The following PDXDC1 variants were observed in gnomAD, a reference collection of about 807,000 sequenced individuals.
The protein encoded by PDXDC1 is pyridoxal dependent decarboxylase domain containing 1.
A neutral mutation model predicts 100.1 loss-of-function variants in PDXDC1; 42 were observed. The observed-to-expected ratio is 0.42, with a 90% CI of 0.33 to 0.54. The LOEUF (loss-of-function observed/expected upper bound fraction) is 0.54, where lower values mean the gene tolerates loss of function less well. Among genes scored for constraint, PDXDC1 ranks in the 20% least tolerant of loss-of-function variants. The probability of loss-of-function intolerance (pLI) is 0.10; values close to 1 mark genes in which losing one functional copy is unlikely to be tolerated. For synonymous variants in PDXDC1, 260 were observed against 371.7 expected (o/e 0.70, Z 3.46); for missense variants, 636 against 979.2 (o/e 0.65, Z 4.68).
At chr16:14,978,156 A>G (rs1597232996) in intron 1 of PDXDC1, among the ~76,000 whole-genome samples, 1 of 152,268 alleles carries the variant, frequency 6.6e-6, no homozygotes, top group African/African-American at 2.4e-5. Context: ...TGATGTCCCA[A>G]TAAATCAGAT....
At chr16:15,032,144 G>C (rs2043105910) in intron 17 of PDXDC1, 2 of 554,424 alleles carry the variant, frequency 3.6e-6, no homozygotes, top group South Asian at 4.9e-5. Flanking sequence ...CCGACTCTCA[G>C]CTACCTAGGA....
At chr16:15,000,514 G>T (rs1972912168) in intron 3 of PDXDC1, among the ~76,000 whole-genome samples, 1 of 152,278 alleles carries the variant, frequency 6.6e-6, no homozygotes, top group Non-Finnish European at 1.5e-5. Context: ...TGTTTTGATG[G>T]CGCTTCCTTT....
At chr16:15,140,465 A>G (rs1166039062), downstream of PDXDC1, among the ~76,000 whole-genome samples, 1 of 151,504 alleles carries the variant, frequency 6.6e-6, no homozygotes, top group Non-Finnish European at 1.5e-5. Context: ...AAAAAAAAAA[A>G]AAGAAAAAGG....
At position 15,038,296 on chromosome 16, in the gene PDXDC1, G is replaced by A; in HGVS notation, c.*2021G>A. ...AGATGTCAAAGTATCTTTGTTCTTGGACACAAATATATATAATAAAATACG... is the reference window on the plus strand; with the variant it reads ...AGATGTCAAAGTATCTTTGTTCTTGAACACAAATATATATAATAAAATACG... On this transcript the variant is annotated 3_prime_UTR_variant, in exon 23 of 23. Transcript: ENST00000396410. 2 of 952,132 alleles carry A rather than the reference G, an allele frequency of 2.1e-6. No homozygotes were observed. 59.0% of individuals were successfully genotyped at this position (952,132 alleles called of 1,614,324 possible).
rs1412813590 is a variant in PDXDC1, at chr16:15,037,041, A to G, written c.*766A>G. ...TCTGTTTAGTATCTGAAAACCTGAT[A>G]GATGCTACCCTTAAGAGCTTGCTCT... On this transcript the variant is annotated 3_prime_UTR_variant, in exon 23 of 23. Coordinates refer to ENST00000396410, the MANE Select transcript of PDXDC1 (RefSeq NM_015027.4). 6.6e-6 allele frequency: 1 copy of G among 152,254 alleles called. No homozygotes were observed. Among genetic ancestry groups the G allele is most frequent in the Non-Finnish European group, 1.5e-5 (1 of 68,056 alleles). The allele number at this position is 152,254 out of a possible 1,614,324, so 9.4% of individuals were successfully genotyped here. A position where few individuals can be genotyped will look rare whatever the true frequency, so the allele number is the denominator to read the frequency against.
At chr16:15,143,983 C>T (rs534545811), downstream of PDXDC1, among the ~76,000 whole-genome samples, 15 of 152,290 alleles carry the variant, frequency 9.8e-5, no homozygotes, top group Admixed American at 3.9e-4. Flanking sequence ...CTGGGGGGAC[C>T]GGCTCGGAGG....
intron 16 of PDXDC1, among the ~76,000 whole-genome samples, chr16:15,106,600 A>G (rs1463853367): frequency 1.3e-5 from 2 of 149,748 alleles, no homozygotes; most frequent in Non-Finnish European, 3.0e-5. Context: ...CTAAAAATAC[A>G]AAAAATTAGG....
intron 16 of PDXDC1, chr16:15,094,232 A>T: frequency 6.3e-7 from 1 of 1,584,434 alleles, no homozygotes; most frequent in Non-Finnish European, 8.6e-7. Context: ...CGGTGCCGCC[A>T]TTGGGCCGAA....
At chr16:15,055,522 C>T (rs561103043) in intron 16 of PDXDC1, among the ~76,000 whole-genome samples, 1 of 152,358 alleles carries the variant, frequency 6.6e-6, no homozygotes, top group South Asian at 2.1e-4. Context: ...GGCTGCGGGT[C>T]CCCGAAGGCG....
At chr16:15,034,094 G>C in intron 19 of PDXDC1, 192 bp from the exon 20 acceptor site, 2 of 596,704 alleles carry the variant, frequency 3.4e-6, no homozygotes, top group African/African-American at 1.9e-5. Flanking sequence ...TGGTCACCAA[G>C]GTGTGTCTGC....
chr16:15,034,482 T>C lies in PDXDC1; in HGVS notation c.1931T>C (p.Val644Ala), dbSNP rs2043275090. 1 of 1,614,124 alleles carries C rather than the reference T, an allele frequency of 6.2e-7. No homozygotes were observed. The highest frequency in any genetic ancestry group is 8.5e-7 in the Non-Finnish European group (1 of 1,180,024). ...EEGVLRQIPV[V>A]GSVLNWFSPV... ...GGGGTGTTGCGGCAGATCCCTGTAG[T>C]GGGCTCCGTGCTGAATTGGTTTTCT... Residue 644 changes from valine (V) to alanine (A), a missense_variant, in exon 21 of 23, where the codon GTG becomes GCG. Transcript: ENST00000396410.
chr16:15,016,063 G>A (rs1204616858), intron 8 of PDXDC1, 66 bp from the exon 9 acceptor site: 1 of 1,610,470 alleles, frequency 6.2e-7, no homozygotes, highest in African/African-American at 1.3e-5. Flanking sequence ...GTGTATAAAA[G>A]TGTTTAAGGT....
Position 15,104,586 on chromosome 16 carries a change from T to C in PDXDC1, c.1400-34293T>C, listed in dbSNP as rs769740284. 5 of 1,599,422 alleles carry C rather than the reference T, an allele frequency of 3.1e-6. No individual in the cohort carries two copies. The Admixed American group carries it at 6.7e-5, about 21-fold the overall frequency. On this transcript the variant is annotated intron_variant, in intron 16 of 16. Transcript: ENST00000535621. ...ATCATCCGCTGAGGGTGGAAGGGGA[T>C]AGAGCAGACACTCCGCAGGTGTCTT...
At chr16:15,076,797 G>C (rs762847840) in intron 16 of PDXDC1, 62 of 627,752 alleles carry the variant, frequency 9.9e-5, no homozygotes, top group Non-Finnish European at 1.7e-4. Context: ...CACAATTATG[G>C]TGCAAGCCTG....
At chr16:15,074,443 A>G (rs2045366429) in intron 16 of PDXDC1, among the ~76,000 whole-genome samples, 1 of 152,190 alleles carries the variant, frequency 6.6e-6, no homozygotes, top group Non-Finnish European at 1.5e-5. Flanking sequence ...CAGCAACTTG[A>G]GCGTAATTTG....
rs1342854586 is a variant in PDXDC1 at position 15,132,996 on chromosome 16, C to A, written c.1400-5883C>A. 55 of 1,461,662 alleles carry A rather than the reference C, an allele frequency of 3.8e-5. No homozygotes were observed. In the East Asian group the frequency reaches 7.0e-4, roughly 19 times the overall value. The allele number at this position is 1,461,662 out of a possible 1,614,324, so 90.5% of individuals were successfully genotyped here. A position where few individuals can be genotyped will look rare whatever the true frequency, so the allele number is the denominator to read the frequency against. On this transcript the variant is annotated intron_variant, in intron 16 of 16. Coordinates refer to the PDXDC1 transcript ENST00000535621. ...GATGCTGTGTGATGTGGGCATTGAC[C>A]CGCAACACTGAGCTGTTTCTTCATG...
Position 15,034,298 on chromosome 16 carries a change from A to G in PDXDC1, c.1825A>G (p.Met609Val), listed in dbSNP as rs2043259931. The change falls in exon 20 of 23, where the codon ATG (methionine) becomes GTG (valine). Residue 609 changes from methionine (M) to valine (V), a missense_variant. Met to Val is a conservative substitution (Grantham distance 21). Transcript: ENST00000396410. The stretch of plus-strand genomic sequence containing the variant: ...GGTCTTGCCACAGCTTCTGGAAAAC[A>G]TGACAGAAGTGGTTCGGAAAGGCAT... ...IEENSRLLEN[M>V]TEVVRKGIQE... is the part of the protein sequence containing the mutation. The G allele has an allele frequency of 6.2e-7, 1 of 1,613,050 alleles. No homozygotes were observed. The highest frequency in any genetic ancestry group is 1.3e-5 in the African/African-American group (1 of 74,914).
chr16:15,039,970 G>T, downstream of PDXDC1: 1 of 1,560,294 alleles, frequency 6.4e-7, no homozygotes, highest in Non-Finnish European at 8.8e-7. Flanking sequence ...GAAACTCACT[G>T]GTCCTCCTGC....
intron 4 of PDXDC1, among the ~76,000 whole-genome samples, chr16:15,002,575 C>T (rs1260281962): frequency 6.6e-6 from 1 of 152,294 alleles, no homozygotes; most frequent in African/African-American, 2.4e-5. Context: ...GGTCCCCTGT[C>T]ATGTTGCACT....
Sources: gnomAD v4.1 joint callset for allele counts (sites outside exome capture counted in the v4.1 genomes callset) on GRCh38, gnomAD v4.1.1 for gene constraint, MANE v1.5 for transcripts, NCBI Gene and HGNC (gene_info 2026-07-23, HGNC 2026-07-21) for gene names.